PREX2: variants seen among roughly 807,000 people sequenced by gnomAD.
The protein encoded by PREX2 is phosphatidylinositol-3,4,5-trisphosphate dependent Rac exchange factor 2.
PREX2 carries 107 observed loss-of-function variants against 203.2 expected under a neutral mutation model. That is an observed-to-expected ratio of 0.53 (90% CI 0.45 to 0.62). The LOEUF (loss-of-function observed/expected upper bound fraction) is 0.62. Among genes scored for constraint, PREX2 ranks in the 20% least tolerant of loss-of-function variants. The probability of loss-of-function intolerance (pLI) is 0.00; values close to 1 mark genes in which losing one functional copy is unlikely to be tolerated. For missense variants in PREX2, 1,777 were observed against 1,955.9 expected, an observed-to-expected ratio of 0.91 and a Z score of 1.72; for synonymous variants, 672 against 663.6, an observed-to-expected ratio of 1.01 and a Z score of -0.19.
intron 1 of PREX2, among the ~76,000 whole-genome samples, chr8:68,010,614 C>T (rs1807231105): frequency 6.6e-6 from 1 of 152,216 alleles, no homozygotes; most frequent in African/African-American, 2.4e-5. Flanking sequence ...CTCCACCTCT[C>T]TGTGAGGCAC....
intron 39 of PREX2, among the ~76,000 whole-genome samples, chr8:68,228,655 A>G (rs952458980): frequency 1.1e-4 from 17 of 152,002 alleles, no homozygotes; most frequent in African/African-American, 4.1e-4. Flanking sequence ...AGTCCCAGCT[A>G]CTCGGGAGGC....
At chr8:68,108,037 T>A in intron 23 of PREX2, 72 bp from the exon 24 acceptor site, 1 of 922,794 alleles carries the variant, frequency 1.1e-6, no homozygotes, top group Non-Finnish European at 1.7e-6. Context: ...TTGTGAATGA[T>A]GCAAGTGAAA....
At chr8:68,140,472 G>A (rs771140948) in intron 33 of PREX2, among the ~76,000 whole-genome samples, 1 of 152,200 alleles carries the variant, frequency 6.6e-6, no homozygotes, top group Non-Finnish European at 1.5e-5. Context: ...GTAAGAAAAT[G>A]AAGCTTTATT....
chr8:67,961,822 A>T (rs1176194956), intron 1 of PREX2, among the ~76,000 whole-genome samples: 1 of 152,222 alleles, frequency 6.6e-6, no homozygotes, highest in Non-Finnish European at 1.5e-5. Flanking sequence ...AACGGAGCAT[A>T]GTGTACAAAA....
At chr8:68,161,932 C>A (rs4454258) in intron 35 of PREX2, among the ~76,000 whole-genome samples, 1 of 151,952 alleles carries the variant, frequency 6.6e-6, no homozygotes, top group Admixed American at 6.6e-5. Flanking sequence ...CCTCACAATC[C>A]TGGTGGAAGG....
intron 31 of PREX2, among the ~76,000 whole-genome samples, chr8:68,130,283 C>CTG (rs1009838906): frequency 8.2e-5 from 4 of 48,906 alleles, no homozygotes; most frequent in African/African-American, 1.9e-4. Context: ...GAGCAAGATG[C>CTG]TCTCTTAAAA....
intron 37 of PREX2, among the ~76,000 whole-genome samples, chr8:68,209,893 G>A (rs1568828): frequency 0.39 from 59,153 of 151,946 alleles, 12,325 homozygotes; most frequent in Non-Finnish European, 0.47. Flanking sequence ...ACATATGCCT[G>A]TAGTGTGTTT....
At chr8:68,166,638 T>C (rs1811766257) in intron 35 of PREX2, among the ~76,000 whole-genome samples, 1 of 152,224 alleles carries the variant, frequency 6.6e-6, no homozygotes, top group Non-Finnish European at 1.5e-5. Context: ...TCAATTGTCA[T>C]CACAAGAGAA....
chr8:68,201,900 ATTTTT>A lies in PREX2; in HGVS notation c.4604+9395_4604+9399del, dbSNP rs869153263. On this transcript the variant is annotated intron_variant, in intron 37 of 39. Coordinates refer to ENST00000288368, the MANE Select transcript of PREX2 (RefSeq NM_024870.4). Reference sequence around the variant, plus strand: ...CCAGGAAGGGAGTAAGGTAACACCTATTTTTTTTTTTTTTTTTTTTTTTTGAGATG... The same window carrying A: ...CCAGGAAGGGAGTAAGGTAACACCTATTTTTTTTTTTTTTTTTTTGAGATG... Among the ~76,000 whole-genome samples, 106 of 98,256 alleles carry A rather than the reference ATTTTT, an allele frequency of 1.1e-3. 1 individual carries two copies. The highest frequency in any genetic ancestry group is 3.9e-3 in the African/African-American group (89 of 22,730). The allele number at this position is 98,256 out of a possible 152,430, so 64.5% of individuals were successfully genotyped here. A position where few individuals can be genotyped will look rare whatever the true frequency, so the allele number is the denominator to read the frequency against.
Position 68,193,148 on chromosome 8 carries a change from G to A in PREX2, c.4604+623G>A, listed in dbSNP as rs907144738. 3.9e-5 allele frequency among the ~76,000 whole-genome samples: 6 copies of A among 152,198 alleles called. No homozygotes were observed. The East Asian group carries it at 5.8e-4, about 15-fold the overall frequency. ...ACATCAGACTTAGACTCAAAAGTGC[G>A]AGTGGGAATCCCTGAGTCAAGTCCC... On this transcript the variant is annotated intron_variant, in intron 37 of 39. Coordinates refer to ENST00000288368, the MANE Select transcript of PREX2 (RefSeq NM_024870.4).
At chr8:68,166,370 C>T (rs74593167) in intron 35 of PREX2, among the ~76,000 whole-genome samples, 2,831 of 152,080 alleles carry the variant, frequency 0.019, 35 homozygotes, top group Middle Eastern at 0.024. Context: ...CCAAATATGT[C>T]GACCTAAAAG....
chr8:68,226,915 A>G (rs528048649), intron 39 of PREX2, among the ~76,000 whole-genome samples: 2 of 152,320 alleles, frequency 1.3e-5, no homozygotes, highest in Admixed American at 6.5e-5. Flanking sequence ...TGGGGATGCA[A>G]TAGTACCAAG....
In PREX2 at chr8:68,176,373, T is replaced by C. The variant is rs117666357; in HGVS notation, c.4347-15349T>C. ...GAGAAAGTTTTCAGTTTGTTTTGGGTAAATATGAAATTTCTGCAGTGGGGT... is the reference window on the plus strand; with the variant it reads ...GAGAAAGTTTTCAGTTTGTTTTGGGCAAATATGAAATTTCTGCAGTGGGGT... On this transcript the variant is annotated intron_variant, in intron 35 of 39. Transcript: ENST00000288368. 5.5e-3 allele frequency among the ~76,000 whole-genome samples: 842 copies of C among 152,208 alleles called. 2 individuals are homozygous for C. The highest frequency in any genetic ancestry group is 8.9e-3 in the Non-Finnish European group (607 of 68,008).
chr8:67,966,157 G>T (rs1805771478), intron 1 of PREX2, among the ~76,000 whole-genome samples: 1 of 151,946 alleles, frequency 6.6e-6, no homozygotes, highest in South Asian at 2.1e-4. Flanking sequence ...TGAGGATTTG[G>T]GTCAGATTCA....
At chr8:68,048,346 T>A (rs1188400948) in intron 8 of PREX2, among the ~76,000 whole-genome samples, 1 of 152,068 alleles carries the variant, frequency 6.6e-6, no homozygotes, top group African/African-American at 2.4e-5. Flanking sequence ...TATTCTCTCT[T>A]ATGCACTAGT....
At chr8:68,068,467 T>G (rs1809085220) in intron 11 of PREX2, among the ~76,000 whole-genome samples, 1 of 152,114 alleles carries the variant, frequency 6.6e-6, no homozygotes. Flanking sequence ...TTGGCATCAG[T>G]TAGATACTAA....
At chr8:67,957,937 G>C (rs1805533479) in intron 1 of PREX2, among the ~76,000 whole-genome samples, 2 of 152,164 alleles carry the variant, frequency 1.3e-5, no homozygotes, top group Non-Finnish European at 2.9e-5. Flanking sequence ...TTTGACTAAA[G>C]TCCTTCAAAG....
chr8:68,226,051 T>A (rs1164817390), intron 39 of PREX2, among the ~76,000 whole-genome samples: 2 of 151,946 alleles, frequency 1.3e-5, no homozygotes, highest in African/African-American at 2.4e-5. Flanking sequence ...CTTTATTGGG[T>A]GATGTTAAAA....
In PREX2 at chr8:68,115,021, C is replaced by CT. The variant is rs5892137; in HGVS notation, c.3147-709dup. The stretch of plus-strand genomic sequence containing the variant: ...TTCTTTTCTTTCTTTTCTTTTCTTT[C>CT]TTTTTTTTTTTTTTTTTTTTTTTGA... On this transcript the variant is annotated intron_variant, in intron 25 of 39. Transcript: ENST00000288368. Among the ~76,000 whole-genome samples the CT allele has an allele frequency of 7.1e-3, 613 of 86,778 alleles. 4 individuals are homozygous for CT. Among genetic ancestry groups the CT allele is most frequent in the Middle Eastern group, 8.9e-3 (1 of 112 alleles). The allele number at this position is 86,778 out of a possible 152,430, so 56.9% of individuals were successfully genotyped here.
Sources: gnomAD v4.1 joint callset for allele counts (sites outside exome capture counted in the v4.1 genomes callset) on GRCh38, gnomAD v4.1.1 for gene constraint, MANE v1.5 for transcripts, NCBI Gene and HGNC (gene_info 2026-07-23, HGNC 2026-07-21) for gene names.